Variants in REXO5 observed in about 807,000 individuals in gnomAD.
The protein encoded by REXO5 is exonuclease NEF-sp.
REXO5 carries 48 observed loss-of-function variants against 88.5 expected under a neutral mutation model. The observed-to-expected ratio is 0.54, with a 90% CI of 0.43 to 0.69. REXO5 has a LOEUF of 0.69. REXO5 is among the 30% of genes least tolerant of loss of function. The pLI is 0.00. For missense variants in REXO5, 749 were observed against 912.2 expected, an observed-to-expected ratio of 0.82 and a Z score of 2.30; for synonymous variants, 311 against 336.5, an observed-to-expected ratio of 0.92 and a Z score of 0.83.
Position 20,833,067 on chromosome 16 carries a change from G to T in REXO5, c.1327G>T (p.Gly443Cys). Residue 443 changes from glycine (G) to cysteine (C), a missense_variant, in exon 13 of 20, where the codon GGT becomes TGT. By Grantham distance (159) the Gly-to-Cys change is radical. Coordinates refer to ENST00000261377, the MANE Select transcript of REXO5 (RefSeq NM_030941.3). The part of the protein sequence containing the change: ...LLFLTRETDA[G>C]ELPSSRNCQT... ...TTTTTTGACCCGGGAGACAGATGCTGGTGAACTTCCATCTTCCAGAAATTG... is the reference window on the plus strand; with the variant it reads ...TTTTTTGACCCGGGAGACAGATGCTTGTGAACTTCCATCTTCCAGAAATTG... 6.2e-7 allele frequency: 1 copy of T among 1,613,616 alleles called. No homozygotes were observed. Among genetic ancestry groups the T allele is most frequent in the Non-Finnish European group, 8.5e-7 (1 of 1,179,580 alleles).
intron 18 of REXO5, 108 bp downstream of exon 18, chr16:20,845,349 A>C (rs1596616447): frequency 1.1e-5 from 11 of 967,212 alleles, no homozygotes; most frequent in South Asian, 3.7e-5. Context: ...GTCTTATTTC[A>C]CTCTCCAGCT....
At chr16:20,825,323 A>G (rs979397073) in intron 7 of REXO5, among the ~76,000 whole-genome samples, 2 of 152,240 alleles carry the variant, frequency 1.3e-5, no homozygotes, top group Non-Finnish European at 2.9e-5. Flanking sequence ...TGAGAATCTG[A>G]CATATCAGGG....
intron 5 of REXO5, 111 bp downstream of exon 5, chr16:20,816,323 CA>C (rs2081080723): frequency 3.7e-5 from 29 of 773,810 alleles, no homozygotes; most frequent in South Asian, 7.7e-5. Context: ...AGCACAAAAA[CA>C]ATTTTTTTTT....
chr16:20,833,061 G>A lies in REXO5; in HGVS notation c.1321G>A (p.Asp441Asn), dbSNP rs755600098. 1.2e-6 allele frequency: 2 copies of A among 1,613,680 alleles called. No homozygotes were observed. Among genetic ancestry groups the A allele is most frequent in the East Asian group, 2.2e-5 (1 of 44,880 alleles). The change falls in exon 13 of 20, where the codon GAT becomes AAT. Residue 441 changes from aspartate (D) to asparagine (N), a missense_variant. By Grantham distance (23) the Asp-to-Asn change is conservative. Transcript: ENST00000261377. ...GCTTCTTTTTTTGACCCGGGAGACA[G>A]ATGCTGGTGAACTTCCATCTTCCAG... ...QKLLFLTRETDAGELPSSRNC... is the reference protein window; with the variant it reads ...QKLLFLTRETNAGELPSSRNC...
chr16:20,833,528 GTGTT>G (rs762850468), intron 13 of REXO5, among the ~76,000 whole-genome samples: 6 of 152,088 alleles, frequency 3.9e-5, no homozygotes, highest in Non-Finnish European at 7.4e-5. Flanking sequence ...CAGAAGATCT[GTGTT>G]TGTTTTTTTT....
At chr16:20,807,190 C>G in intron 2 of REXO5, 99 bp downstream of exon 2, 3 of 1,383,344 alleles carry the variant, frequency 2.2e-6, no homozygotes, top group Non-Finnish European at 2.9e-6. Context: ...GGCGGGCTCT[C>G]CGCCCTGGCC....
intron 19 of REXO5, among the ~76,000 whole-genome samples, chr16:20,846,560 C>A (rs897428364): frequency 2.0e-5 from 3 of 152,180 alleles, no homozygotes; most frequent in Admixed American, 6.5e-5. Flanking sequence ...TAATTTATCC[C>A]CAGTTAAAAC....
chr16:20,830,594 G>A (rs970906746), intron 11 of REXO5, among the ~76,000 whole-genome samples: 12 of 152,102 alleles, frequency 7.9e-5, no homozygotes, highest in Non-Finnish European at 1.5e-4. Flanking sequence ...GCAAAAGCAG[G>A]GCTTTTATTT....
At chr16:20,808,570 TA>T (rs983331329) in intron 2 of REXO5, among the ~76,000 whole-genome samples, 1 of 151,620 alleles carries the variant, frequency 6.6e-6, no homozygotes, top group African/African-American at 2.4e-5. Context: ...AGACAAATGA[TA>T]AAAATAAGTT....
chr16:20,832,926 T>A, intron 12 of REXO5, 77 bp from the exon 13 acceptor site: 1 of 1,377,392 alleles, frequency 7.3e-7, no homozygotes, highest in Non-Finnish European at 1.0e-6. Context: ...CCATATTGTA[T>A]AATGCAAGTA....
chr16:20,844,944 G>C, intron 17 of REXO5, 99 bp downstream of exon 17: 1 of 1,537,620 alleles, frequency 6.5e-7, no homozygotes, highest in South Asian at 1.2e-5. Context: ...GGCTGGACCA[G>C]GGCAGCAGTT....
At chr16:20,819,772 T>A (rs752809850) in intron 5 of REXO5, among the ~76,000 whole-genome samples, 7 of 139,480 alleles carry the variant, frequency 5.0e-5, no homozygotes, top group African/African-American at 1.0e-4. Flanking sequence ...AAAAAAAAAA[T>A]TTAGAGTCAG....
chr16:20,816,322 AC>A (rs2081080616), intron 5 of REXO5, 110 bp downstream of exon 5: 2 of 856,562 alleles, frequency 2.3e-6, no homozygotes, highest in Admixed American at 3.8e-5. Flanking sequence ...AAGCACAAAA[AC>A]AATTTTTTTT....
At chr16:20,824,558 G>A (rs2081233196) in intron 7 of REXO5, 31 bp downstream of exon 7, 2 of 1,366,574 alleles carry the variant, frequency 1.5e-6, no homozygotes, top group Admixed American at 1.7e-5. Context: ...TTCAATTGGA[G>A]TGTTGCAAGC....
chr16:20,826,063 A>G, intron 8 of REXO5, 115 bp downstream of exon 8: 1 of 668,140 alleles, frequency 1.5e-6, no homozygotes, highest in Non-Finnish European at 2.6e-6. Flanking sequence ...AAATATTATC[A>G]AAGGTTAGGG....
intron 11 of REXO5, among the ~76,000 whole-genome samples, chr16:20,830,282 G>A (rs2081321934): frequency 6.6e-6 from 1 of 151,974 alleles, no homozygotes; most frequent in African/African-American, 2.4e-5. Flanking sequence ...TGCCTCCCCG[G>A]TTCAAGTGAT....
At chr16:20,807,851 T>C (rs1414327470) in intron 2 of REXO5, among the ~76,000 whole-genome samples, 1 of 151,986 alleles carries the variant, frequency 6.6e-6, no homozygotes, top group Non-Finnish European at 1.5e-5. Flanking sequence ...GCAGTTTACA[T>C]TCCAGTAGGG....
rs2081077594 is a variant in REXO5, at chr16:20,816,167, C to T, written c.430C>T (p.Leu144=). The T allele has an allele frequency of 6.2e-7, 1 of 1,613,896 alleles. No homozygotes were observed. The highest frequency in any genetic ancestry group is 8.5e-7 in the Non-Finnish European group (1 of 1,179,956). The change falls in exon 5 of 20, where the codon CTA becomes TTA. Residue 144 remains leucine, a synonymous_variant. Transcript: ENST00000261377. ...SSDFLADVVG[L]QTEQRAGDLP... ...TGATTTTCTAGCTGATGTTGTTGGG[C>T]TACAAACTGAACAAAGAGCTGGAGA...
At chr16:20,813,487 C>T (rs2081034294) in intron 3 of REXO5, among the ~76,000 whole-genome samples, 185 bp downstream of exon 3, 1 of 151,660 alleles carries the variant, frequency 6.6e-6, no homozygotes, top group South Asian at 2.1e-4. Context: ...TCTGGAAATT[C>T]CTATATAAAA....
Sources: gnomAD v4.1 joint callset for allele counts (sites outside exome capture counted in the v4.1 genomes callset) on GRCh38, gnomAD v4.1.1 for gene constraint, MANE v1.5 for transcripts, NCBI Gene and HGNC (gene_info 2026-07-23, HGNC 2026-07-21) for gene names.